Variants in PPP2R2B observed in about 807,000 individuals in gnomAD.
PPP2R2B encodes serine/threonine-protein phosphatase 2A 55 kDa regulatory subunit B beta isoform.
PPP2R2B carries 5 observed loss-of-function variants against 46.0 expected under a neutral mutation model. That is an observed-to-expected ratio of 0.11 (90% confidence interval 0.06 to 0.23). The LOEUF is 0.23. PPP2R2B is among the 10% of genes least tolerant of loss of function. The pLI is 1.00. For synonymous variants in PPP2R2B, 215 were observed against 206.7 expected (o/e 1.04, Z -0.34); for missense variants, 367 against 575.0 (o/e 0.64, Z 3.70).
chr5:146,849,635 G>C, intron 2 of PPP2R2B, among the ~76,000 whole-genome samples: 1 of 152,242 alleles, frequency 6.6e-6, no homozygotes, highest in African/African-American at 2.4e-5. Context: ...CAGTACAAGA[G>C]GGTGCACTAA....
At chr5:146,773,535 C>CAA (rs1360168734) in intron 2 of PPP2R2B, among the ~76,000 whole-genome samples, 3 of 152,124 alleles carry the variant, frequency 2.0e-5, no homozygotes, top group Non-Finnish European at 4.4e-5. Context: ...AGCACATGCA[C>CAA]AAAATAATGA....
intron 2 of PPP2R2B, among the ~76,000 whole-genome samples, chr5:146,727,725 G>T (rs1180371975): frequency 6.6e-6 from 1 of 152,034 alleles, no homozygotes; most frequent in Non-Finnish European, 1.5e-5. Flanking sequence ...TATTCTTTTA[G>T]CAATGTTGAG....
chr5:147,067,462 T>C (rs1757448315), intron 2 of PPP2R2B, among the ~76,000 whole-genome samples: 1 of 152,184 alleles, frequency 6.6e-6, no homozygotes, highest in African/African-American at 2.4e-5. Context: ...TCTAGATTCA[T>C]CAGTGTTGTC....
At chr5:146,642,179 G>A (rs1442827568) in intron 6 of PPP2R2B, among the ~76,000 whole-genome samples, 1 of 152,228 alleles carries the variant, frequency 6.6e-6, no homozygotes, top group Non-Finnish European at 1.5e-5. Flanking sequence ...ATGCTTGGAA[G>A]GCAGAAGAGG....
rs1491141938 is a variant in PPP2R2B, at chr5:147,079,469, T to TATAC, written c.50+1589_50+1590insGTAT. Among the ~76,000 whole-genome samples, 358 of 139,026 alleles carry TATAC rather than the reference T, an allele frequency of 2.6e-3. 1 individual carries two copies. The highest frequency in any genetic ancestry group is 8.7e-3 in the African/African-American group (328 of 37,534). The allele number at this position is 139,026 out of a possible 152,430, so 91.2% of individuals were successfully genotyped here. A position where few individuals can be genotyped will look rare whatever the true frequency, so the allele number is the denominator to read the frequency against. On this transcript the variant is annotated intron_variant, in intron 2 of 10. Transcript: ENST00000394413. The stretch of plus-strand genomic sequence containing the variant: ...ACATATATATATATATATATATATA[T>TATAC]ACATGTGCAATGGAATATTACTCAG...
chr5:147,048,562 A>G (rs1285472580), intron 1 of PPP2R2B, among the ~76,000 whole-genome samples: 1 of 152,204 alleles, frequency 6.6e-6, no homozygotes, highest in Non-Finnish European at 1.5e-5. Context: ...GCAGTGGGAA[A>G]TATGAAAGAA....
In PPP2R2B at chr5:146,596,510, C is replaced by T. The variant is rs145232592; in HGVS notation, c.961-3448G>A. ...TTACCATCATCTTTAAATTACTTCA[C>T]GTAAAAGCTAGCTGGCTGTGTTCTA... On this transcript the variant is annotated intron_variant, in intron 8 of 9. Coordinates refer to ENST00000394411, the MANE Select transcript of PPP2R2B (RefSeq NM_181675.4). Among the ~76,000 whole-genome samples, 529 of 152,324 alleles carry T rather than the reference C, an allele frequency of 3.5e-3. 5 individuals carry two copies. Among genetic ancestry groups the T allele is most frequent in the African/African-American group, 0.012 (502 of 41,568 alleles).
intron 1 of PPP2R2B, among the ~76,000 whole-genome samples, chr5:146,949,039 A>G (rs1764573510): frequency 6.6e-6 from 1 of 152,126 alleles, no homozygotes; most frequent in African/African-American, 2.4e-5. Context: ...AATTCCTGGC[A>G]TAAAAGACAG....
In PPP2R2B at chr5:147,035,541, G is replaced by C. The variant is rs142386331; in HGVS notation, c.79+20124C>G. 6.5e-3 allele frequency among the ~76,000 whole-genome samples: 990 copies of C among 152,232 alleles called. 10 individuals are homozygous for C. The highest frequency in any genetic ancestry group is 0.023 in the African/African-American group (945 of 41,520). On this transcript the variant is annotated intron_variant, in intron 1 of 8. Coordinates refer to the PPP2R2B transcript ENST00000336640. Reference sequence around the variant, plus strand: ...CTAATAAGTAGACTCTCAAGGCTTTGGGTTCAGGAAAATCAGAAAGACTGA... The same window carrying C: ...CTAATAAGTAGACTCTCAAGGCTTTCGGTTCAGGAAAATCAGAAAGACTGA...
chr5:146,656,426 C>G (rs1277790127), intron 5 of PPP2R2B: 1 of 153,120 alleles, frequency 6.5e-6, no homozygotes, highest in Non-Finnish European at 1.4e-5. Flanking sequence ...CTATGTTGCC[C>G]AGGCTGGAGT....
intron 5 of PPP2R2B, among the ~76,000 whole-genome samples, chr5:146,663,670 G>A (rs1776810054): frequency 6.6e-6 from 1 of 152,084 alleles, no homozygotes; most frequent in African/African-American, 2.4e-5. Context: ...CATGCCTGAA[G>A]TAAAAAATAC....
At chr5:146,930,062 G>A (rs924635256) in intron 1 of PPP2R2B, among the ~76,000 whole-genome samples, 16 of 152,124 alleles carry the variant, frequency 1.1e-4, no homozygotes, top group African/African-American at 1.9e-4. Flanking sequence ...GACTAGAAAC[G>A]CATAAACCAA....
intron 2 of PPP2R2B, among the ~76,000 whole-genome samples, chr5:146,723,817 C>T (rs1192810320): frequency 6.6e-6 from 1 of 152,102 alleles, no homozygotes; most frequent in South Asian, 2.1e-4. Flanking sequence ...TATTTCTCTT[C>T]CTCCCACCTT....
At chr5:146,670,727 T>A (rs1777303032) in intron 5 of PPP2R2B, among the ~76,000 whole-genome samples, 1 of 151,978 alleles carries the variant, frequency 6.6e-6, no homozygotes, top group East Asian at 1.9e-4. Context: ...AACTCCTGAC[T>A]TCAAGCGATC....
chr5:147,026,033 A>T (rs1486788332), intron 1 of PPP2R2B, among the ~76,000 whole-genome samples: 2 of 152,106 alleles, frequency 1.3e-5, no homozygotes, highest in African/African-American at 2.4e-5. Context: ...TGCTGGTGAG[A>T]ATGTAAAATG....
At chr5:146,718,940 G>A (rs1780641790) in intron 2 of PPP2R2B, among the ~76,000 whole-genome samples, 1 of 152,188 alleles carries the variant, frequency 6.6e-6, no homozygotes. Flanking sequence ...AGTGACAGCT[G>A]CCAGTGAGTC....
chr5:146,982,957 A>G (rs1047115978), intron 1 of PPP2R2B, among the ~76,000 whole-genome samples: 30 of 152,060 alleles, frequency 2.0e-4, no homozygotes, highest in Non-Finnish European at 3.7e-4. Context: ...GCATATTGTT[A>G]GCTTACGTTT....
At chr5:147,056,186 A>G (rs1181529210), upstream of PPP2R2B, 1 of 930,206 alleles carries the variant, frequency 1.1e-6, no homozygotes, top group South Asian at 5.0e-5. Context: ...GAAAGATCAG[A>G]TGAAACAAAG....
At chr5:146,693,103 C>A (rs1020321017) in intron 4 of PPP2R2B, among the ~76,000 whole-genome samples, 2 of 151,856 alleles carry the variant, frequency 1.3e-5, no homozygotes, top group Non-Finnish European at 2.9e-5. Flanking sequence ...GGTACATAAC[C>A]CTTCCTCCCT....
Sources: gnomAD v4.1 joint callset for allele counts (sites outside exome capture counted in the v4.1 genomes callset) on GRCh38, gnomAD v4.1.1 for gene constraint, MANE v1.5 for transcripts, NCBI Gene and HGNC (gene_info 2026-07-23, HGNC 2026-07-21) for gene names.